Variants in RPF2 observed in about 807,000 individuals in gnomAD.
RPF2 encodes the protein ribosome production factor 2 homolog.
A neutral mutation model predicts 38.9 loss-of-function variants in RPF2; 21 were observed. The ratio of observed to expected loss-of-function variants is 0.54; its 90% confidence interval spans 0.38 to 0.78. The LOEUF (loss-of-function observed/expected upper bound fraction) is 0.78. Ranked by LOEUF, RPF2 falls within the 30% of genes least tolerant of loss-of-function variation. RPF2 has a pLI of 0.00. For missense variants in RPF2, 314 were observed against 358.1 expected (o/e 0.88, Z 0.99); for synonymous variants, 121 against 126.2 (o/e 0.96, Z 0.28).
chr6:110,989,823 A>C (rs534284137), intron 3 of RPF2, among the ~76,000 whole-genome samples: 1 of 152,022 alleles, frequency 6.6e-6, no homozygotes, highest in Admixed American at 6.5e-5. Context: ...GGGTTTCACC[A>C]TGTTGGCCAG....
At chr6:111,005,816 G>T (rs1771897577) in intron 6 of RPF2, among the ~76,000 whole-genome samples, 1 of 151,612 alleles carries the variant, frequency 6.6e-6, no homozygotes, top group African/African-American at 2.4e-5. Flanking sequence ...TATTTGGTTT[G>T]TTTGTTATTG....
In RPF2 at chr6:111,008,670, T is replaced by C. The variant is rs137874443; in HGVS notation, c.493+533T>C. Among the ~76,000 whole-genome samples, 754 of 152,266 alleles carry C rather than the reference T, an allele frequency of 5.0e-3. 4 individuals are homozygous for C. The highest frequency in any genetic ancestry group is 0.017 in the Middle Eastern group (5 of 294). ...ACTCAAAAACCTTAATTAGTTTTTC[T>C]GAGTTGAATATACAAGGCCTTTCAC... On this transcript the variant is annotated intron_variant, in intron 7 of 9. Coordinates refer to ENST00000441448, the MANE Select transcript of RPF2 (RefSeq NM_032194.3).
chr6:110,985,387 CCCTT>C (rs112523827), intron 2 of RPF2, among the ~76,000 whole-genome samples: 12 of 152,206 alleles, frequency 7.9e-5, no homozygotes, highest in African/African-American at 2.9e-4. Context: ...GTGAAGGTCT[CCCTT>C]AGTAAATTTA....
chr6:110,994,734 T>TAC (rs71021820), intron 4 of RPF2, among the ~76,000 whole-genome samples: 3,079 of 133,984 alleles, frequency 0.023, 76 homozygotes, highest in Middle Eastern at 0.04. Flanking sequence ...TGAGTATATA[T>TAC]ACACACACAC....
intron 4 of RPF2, among the ~76,000 whole-genome samples, chr6:110,996,123 AGT>A (rs1491580885): frequency 3.2e-4 from 46 of 141,700 alleles, no homozygotes; most frequent in African/African-American, 9.1e-4. Context: ...CAGCCAGATA[AGT>A]TTTTTTTTTT....
Position 111,017,585 on chromosome 6 carries a change from C to T in RPF2, c.596+1729C>T, listed in dbSNP as rs1228410797. 3.4e-5 allele frequency among the ~76,000 whole-genome samples: 5 copies of T among 147,322 alleles called. No homozygotes were observed. The South Asian group carries it at 6.3e-4, about 19-fold the overall frequency. On this transcript the variant is annotated intron_variant, in intron 8 of 9. Coordinates refer to ENST00000441448, the MANE Select transcript of RPF2 (RefSeq NM_032194.3). ...CTCACCTCCCAGATGGGGTCGCGGC[C>T]GGGCAGAGGCGCTCCTCACATCCCA...
At chr6:111,011,529 C>A (rs914857881) in intron 7 of RPF2, among the ~76,000 whole-genome samples, 3 of 152,102 alleles carry the variant, frequency 2.0e-5, no homozygotes, top group Non-Finnish European at 2.9e-5. Flanking sequence ...CTCAAGTGAT[C>A]TGCCTGCCCT....
intron 4 of RPF2, among the ~76,000 whole-genome samples, chr6:110,996,452 G>T (rs897566729): frequency 2.0e-5 from 3 of 152,088 alleles, no homozygotes; most frequent in Admixed American, 2.0e-4. Flanking sequence ...GCCTCCCACA[G>T]TGCTGGGATT....
chr6:110,988,814 G>C (rs1027490391), intron 2 of RPF2, among the ~76,000 whole-genome samples: 4 of 152,072 alleles, frequency 2.6e-5, no homozygotes, highest in Admixed American at 2.6e-4. Flanking sequence ...CTATTGACAG[G>C]GCATAGAAAC....
chr6:111,012,554 T>C (rs1172473002), intron 7 of RPF2, among the ~76,000 whole-genome samples: 3 of 152,222 alleles, frequency 2.0e-5, no homozygotes, highest in African/African-American at 4.8e-5. Context: ...ATTTTCATTA[T>C]ACAATTGAGA....
At chr6:110,989,867 C>T (rs563363769) in intron 3 of RPF2, among the ~76,000 whole-genome samples, 36 of 151,994 alleles carry the variant, frequency 2.4e-4, no homozygotes, top group East Asian at 3.9e-4. Context: ...AGGTGATCTG[C>T]GCGCCTTGGC....
chr6:111,006,813 C>T (rs1276718445), intron 6 of RPF2, among the ~76,000 whole-genome samples: 1 of 151,916 alleles, frequency 6.6e-6, no homozygotes, highest in Non-Finnish European at 1.5e-5. Flanking sequence ...GTGGCTCATG[C>T]CTGTAATCCC....
At chr6:111,007,671 A>T (rs780085014) in intron 6 of RPF2, among the ~76,000 whole-genome samples, 3 of 152,214 alleles carry the variant, frequency 2.0e-5, no homozygotes, top group Non-Finnish European at 2.9e-5. Context: ...TAGGCCAGGC[A>T]CAGTGGCTCT....
chr6:111,005,959 T>C (rs1355220400), intron 6 of RPF2, among the ~76,000 whole-genome samples: 2 of 151,972 alleles, frequency 1.3e-5, no homozygotes, highest in East Asian at 3.9e-4. Flanking sequence ...ACAGGCACAC[T>C]GCACCTGGCT....
intron 7 of RPF2, among the ~76,000 whole-genome samples, chr6:111,014,792 C>T (rs913042787): frequency 4.6e-5 from 7 of 152,188 alleles, no homozygotes; most frequent in African/African-American, 1.7e-4. Flanking sequence ...CCTTAGCGTG[C>T]AGTTCACTGG....
At chr6:111,023,783 C>T (rs778333360) in intron 8 of RPF2, among the ~76,000 whole-genome samples, 6 of 151,894 alleles carry the variant, frequency 4.0e-5, no homozygotes, top group South Asian at 2.1e-4. Flanking sequence ...GTCAGGAGAG[C>T]GAGACCATCC....
chr6:111,008,232 C>A, intron 7 of RPF2, 95 bp downstream of exon 7: 2 of 1,294,084 alleles, frequency 1.5e-6, no homozygotes, highest in Non-Finnish European at 1.0e-6. Flanking sequence ...TTTGTAACTT[C>A]TTTTTTCTCT....
chr6:110,997,818 G>A (rs1358983016), intron 5 of RPF2, among the ~76,000 whole-genome samples: 1 of 152,074 alleles, frequency 6.6e-6, no homozygotes, highest in African/African-American at 2.4e-5. Flanking sequence ...TGTGCTGTTT[G>A]ACCTTTGACT....
chr6:111,017,352 G>A lies in RPF2; in HGVS notation c.596+1496G>A, dbSNP rs1379461220. On this transcript the variant is annotated intron_variant, in intron 8 of 9. Coordinates refer to ENST00000441448, the MANE Select transcript of RPF2 (RefSeq NM_032194.3). ...GGATGGGGCGGCTGGCCGGGCGGGG[G>A]CTGCCCCCCGCCTCCCTCCTGGACG... Among the ~76,000 whole-genome samples, 7 of 150,380 alleles carry A rather than the reference G, an allele frequency of 4.7e-5. No homozygotes were observed. In the East Asian group the frequency reaches 1.4e-3, roughly 30 times the overall value.
Sources: allele counts gnomAD v4.1 joint callset (sites outside exome capture counted in the v4.1 genomes callset), GRCh38; gene constraint gnomAD v4.1.1; transcripts MANE v1.5; gene names NCBI Gene and HGNC (gene_info 2026-07-23, HGNC 2026-07-21).